Variants in KCTD8 observed in about 807,000 individuals in gnomAD.
The protein encoded by KCTD8 is potassium channel tetramerization domain containing 8, also known as BTB/POZ domain-containing protein KCTD8.
Under a neutral mutation model 31.5 loss-of-function variants are expected in KCTD8, and 27 were observed. The ratio of observed to expected loss-of-function variants is 0.86; its 90% confidence interval spans 0.63 to 1.18. KCTD8 has a LOEUF of 1.18. KCTD8 is among the 50% of genes most tolerant of loss of function. KCTD8 has a pLI of 0.00. For missense variants in KCTD8, 658 were observed against 647.7 expected (o/e 1.02, Z -0.17); for synonymous variants, 290 against 280.0 (o/e 1.04, Z -0.36).
chr4:44,352,400 A>C (rs1719226370), intron 1 of KCTD8, among the ~76,000 whole-genome samples: 1 of 151,664 alleles, frequency 6.6e-6, no homozygotes. Context: ...TAAAAAGAAT[A>C]GAAATAGAAA....
intron 1 of KCTD8, among the ~76,000 whole-genome samples, chr4:44,310,665 A>G (rs950972499): frequency 1.6e-4 from 25 of 152,132 alleles, no homozygotes; most frequent in African/African-American, 6.0e-4. Flanking sequence ...ATTCGTGAGT[A>G]AACCAGAGGA....
At chr4:44,244,509 A>T (rs1715595378) in intron 1 of KCTD8, among the ~76,000 whole-genome samples, 1 of 152,160 alleles carries the variant, frequency 6.6e-6, no homozygotes, top group Non-Finnish European at 1.5e-5. Context: ...GGGCATTGCA[A>T]TTAGAATTCT....
At chr4:44,233,950 C>T (rs1290383961) in intron 1 of KCTD8, among the ~76,000 whole-genome samples, 1 of 152,068 alleles carries the variant, frequency 6.6e-6, no homozygotes, top group Non-Finnish European at 1.5e-5. Flanking sequence ...GAAAAAACTG[C>T]TTAGCTCTGT....
At position 44,277,110 on chromosome 4, in the gene KCTD8, T is replaced by C. The variant is rs189972175; in HGVS notation, c.962-101860A>G. Among the ~76,000 whole-genome samples the C allele has an allele frequency of 6.0e-3, 919 of 151,972 alleles. 13 individuals are homozygous for C. Among genetic ancestry groups the C allele is most frequent in the African/African-American group, 0.02 (837 of 41,530 alleles). On this transcript the variant is annotated intron_variant, in intron 1 of 1. Coordinates refer to ENST00000360029, the MANE Select transcript of KCTD8 (RefSeq NM_198353.3). The stretch of plus-strand genomic sequence containing the variant: ...CAGCACCTGGAAAATATTAACTAAC[T>C]GATAAACATTAAAGTTATTAATATT...
At chr4:44,308,337 CTTTT>C (rs965971092) in intron 1 of KCTD8, among the ~76,000 whole-genome samples, 1 of 150,902 alleles carries the variant, frequency 6.6e-6, no homozygotes, top group Non-Finnish European at 1.5e-5. Flanking sequence ...ACAATGAACT[CTTTT>C]TTTTTCCCTT....
intron 1 of KCTD8, among the ~76,000 whole-genome samples, chr4:44,338,942 C>CT (rs1252449827): frequency 1.3e-5 from 2 of 152,052 alleles, no homozygotes; most frequent in African/African-American, 4.8e-5. Flanking sequence ...AAGATTAGGC[C>CT]TTTTCTGAAC....
At chr4:44,270,091 C>G (rs896522826) in intron 1 of KCTD8, among the ~76,000 whole-genome samples, 10 of 152,114 alleles carry the variant, frequency 6.6e-5, no homozygotes, top group Admixed American at 4.6e-4. Context: ...CACATGCACA[C>G]ATATGTTTAT....
intron 1 of KCTD8, among the ~76,000 whole-genome samples, chr4:44,198,963 G>A (rs921804378): frequency 6.6e-6 from 1 of 151,892 alleles, no homozygotes; most frequent in Non-Finnish European, 1.5e-5. Context: ...AGAGCTACCA[G>A]GCAAACAGAA....
At chr4:44,412,320 A>G (rs1335633601) in intron 1 of KCTD8, among the ~76,000 whole-genome samples, 1 of 152,212 alleles carries the variant, frequency 6.6e-6, no homozygotes, top group East Asian at 1.9e-4. Flanking sequence ...GTATGCGTAA[A>G]TATTACTACA....
chr4:44,224,057 C>T (rs902708913), intron 1 of KCTD8, among the ~76,000 whole-genome samples: 3 of 152,158 alleles, frequency 2.0e-5, no homozygotes, highest in African/African-American at 7.2e-5. Flanking sequence ...TCCTACACAT[C>T]ACTGCTAGAT....
At chr4:44,340,579 G>C (rs949714826) in intron 1 of KCTD8, among the ~76,000 whole-genome samples, 1 of 151,608 alleles carries the variant, frequency 6.6e-6, no homozygotes, top group African/African-American at 2.4e-5. Flanking sequence ...AAAGTGCTGG[G>C]ATTACAGGCG....
At chr4:44,200,771 A>G (rs1714120725) in intron 1 of KCTD8, among the ~76,000 whole-genome samples, 1 of 152,082 alleles carries the variant, frequency 6.6e-6, no homozygotes, top group Admixed American at 6.6e-5. Flanking sequence ...CATTCTCAAC[A>G]TTCCTATTCC....
At chr4:44,343,771 C>T (rs946980327) in intron 1 of KCTD8, among the ~76,000 whole-genome samples, 3 of 152,052 alleles carry the variant, frequency 2.0e-5, no homozygotes, top group Non-Finnish European at 4.4e-5. Context: ...TAAACTGTAA[C>T]AAAAAATGTT....
intron 1 of KCTD8, among the ~76,000 whole-genome samples, chr4:44,380,543 T>C (rs1006283700): frequency 1.3e-5 from 2 of 151,740 alleles, no homozygotes; most frequent in Non-Finnish European, 2.9e-5. Flanking sequence ...ATTATTAATT[T>C]CATATTAATA....
intron 1 of KCTD8, among the ~76,000 whole-genome samples, chr4:44,305,482 T>A (rs951251999): frequency 1.3e-5 from 2 of 151,680 alleles, no homozygotes; most frequent in Admixed American, 6.6e-5. Context: ...GAATCACTTC[T>A]CTTTATTAAA....
At chr4:44,338,840 A>G (rs2109417156) in intron 1 of KCTD8, among the ~76,000 whole-genome samples, 1 of 152,314 alleles carries the variant, frequency 6.6e-6, no homozygotes, top group Admixed American at 6.5e-5. Context: ...GGCAGGGAAG[A>G]TGGTGAGAAA....
intron 1 of KCTD8, among the ~76,000 whole-genome samples, chr4:44,391,101 C>G (rs1482552891): frequency 2.0e-5 from 3 of 151,910 alleles, no homozygotes; most frequent in Admixed American, 1.3e-4. Flanking sequence ...ATTGTATGTC[C>G]TCACTCATAA....
rs1419582288 is a variant in KCTD8 at position 44,295,502 on chromosome 4, G to GA, written c.962-120253dup. Among the ~76,000 whole-genome samples the GA allele has an allele frequency of 4.8e-5, 7 of 146,312 alleles. No homozygotes were observed. The East Asian group carries it at 1.2e-3, about 25-fold the overall frequency. On this transcript the variant is annotated intron_variant, in intron 1 of 1. Coordinates refer to ENST00000360029, the MANE Select transcript of KCTD8 (RefSeq NM_198353.3). ...TTCTGGGAAAGGGAGGGAAAGCAAA[G>GA]AAAAAAATGTAAAAATTTTAAATAT...
At chr4:44,332,376 T>C (rs369422164) in intron 1 of KCTD8, among the ~76,000 whole-genome samples, 81 of 152,132 alleles carry the variant, frequency 5.3e-4, no homozygotes, top group African/African-American at 1.9e-3. Context: ...ATGGCTGTTA[T>C]ATAATATACC....
Sources: allele counts gnomAD v4.1 joint callset (sites outside exome capture counted in the v4.1 genomes callset), GRCh38; gene constraint gnomAD v4.1.1; transcripts MANE v1.5; gene names NCBI Gene and HGNC (gene_info 2026-07-23, HGNC 2026-07-21).